PAG1: variants seen among roughly 807,000 people sequenced by gnomAD.
PAG1 encodes the protein phosphoprotein membrane anchor with glycosphingolipid microdomains 1, also known as phosphoprotein associated with glycosphingolipid-enriched microdomains 1.
PAG1 carries 23 observed loss-of-function variants against 31.7 expected under a neutral mutation model. The observed-to-expected ratio is 0.73, with a 90% CI of 0.52 to 1.03. The LOEUF (loss-of-function observed/expected upper bound fraction) is 1.03, where lower values mean the gene tolerates loss of function less well. Among genes scored for constraint, PAG1 ranks in the 50% least tolerant of loss-of-function variants. The pLI, the probability that PAG1 is intolerant of heterozygous loss-of-function variation, is 0.00. For missense variants in PAG1, 473 were observed against 540.7 expected, an observed-to-expected ratio of 0.87 and a Z score of 1.24; for synonymous variants, 214 against 210.3, an observed-to-expected ratio of 1.02 and a Z score of -0.15.
At chr8:81,109,759 G>C (rs1809745955) in intron 1 of PAG1, among the ~76,000 whole-genome samples, 1 of 150,132 alleles carries the variant, frequency 6.7e-6, no homozygotes. Context: ...ACTGTTCAGT[G>C]GGGTAGGTAC....
intron 3 of PAG1, among the ~76,000 whole-genome samples, chr8:81,007,622 G>A (rs1243968661): frequency 2.0e-5 from 2 of 99,654 alleles, no homozygotes; most frequent in Non-Finnish European, 3.6e-5. Flanking sequence ...GGGTGACAGA[G>A]CAAGACTCTG....
At chr8:81,053,960 C>T (rs1160854314) in intron 2 of PAG1, among the ~76,000 whole-genome samples, 1 of 152,186 alleles carries the variant, frequency 6.6e-6, no homozygotes, top group Non-Finnish European at 1.5e-5. Context: ...CATCTACTCA[C>T]CTCTGACACT....
At chr8:81,018,257 G>A (rs1343178941) in intron 3 of PAG1, among the ~76,000 whole-genome samples, 1 of 152,206 alleles carries the variant, frequency 6.6e-6, no homozygotes, top group Non-Finnish European at 1.5e-5. Context: ...TTGCATTTAA[G>A]TGTACAATCT....
intron 2 of PAG1, among the ~76,000 whole-genome samples, chr8:81,043,376 C>T (rs79084014): frequency 0.022 from 3,302 of 152,214 alleles, 99 homozygotes; most frequent in African/African-American, 0.074. Flanking sequence ...GAGTTCAGTA[C>T]AATACTTTAA....
Position 80,976,562 on chromosome 8 carries a change from T to C in PAG1, c.1281A>G (p.Arg427=). 1 of 1,612,664 alleles carries C rather than the reference T, an allele frequency of 6.2e-7. No individual in the cohort carries two copies. Among genetic ancestry groups the C allele is most frequent in the Non-Finnish European group, 8.5e-7 (1 of 1,179,520 alleles). Residue 427 remains arginine (R), a synonymous_variant, in exon 9 of 9, where the codon AGA becomes AGG. Transcript: ENST00000220597. The part of the protein sequence containing the change: ...YESISDLQQG[R]DITRL Reference sequence around the variant, plus strand: ...TGGGTTGCTAGAGCCTGGTAATATCTCTGCCTTGCTGCAAGTCACTTATGC... The same window carrying C: ...TGGGTTGCTAGAGCCTGGTAATATCCCTGCCTTGCTGCAAGTCACTTATGC...
intron 7 of PAG1, 101 bp downstream of exon 7, chr8:80,984,675 G>C: frequency 8.9e-7 from 1 of 1,127,740 alleles, no homozygotes; most frequent in South Asian, 1.6e-5. Flanking sequence ...TCAACAAACT[G>C]GAAAGTGTTT....
Position 80,984,779 on chromosome 8 carries a change from G to C in PAG1, c.873C>G (p.Asn291Lys), listed in dbSNP as rs1807378552. The C allele has an allele frequency of 1.2e-6, 2 of 1,612,654 alleles. No homozygotes were observed. Among genetic ancestry groups the C allele is most frequent in the Non-Finnish European group, 1.7e-6 (2 of 1,179,124 alleles). ...AAACAAAAACGCCAGTGCCCACCTT[G>C]TTAGTTTCACTGGTCGTGTCTGTGG... Reference protein sequence around the residue: ...ESATDTTSETNKRFSSLSYKS... With the variant: ...ESATDTTSETKKRFSSLSYKS... The change falls in exon 7 of 9, where the codon AAC (asparagine) becomes AAG (lysine). Residue 291 changes from asparagine to lysine, a missense_variant. By Grantham distance (94) the Asn-to-Lys change is moderately conservative. Coordinates refer to ENST00000220597, the MANE Select transcript of PAG1 (RefSeq NM_018440.4).
At chr8:81,027,307 C>A (rs1370261357) in intron 3 of PAG1, among the ~76,000 whole-genome samples, 2 of 152,088 alleles carry the variant, frequency 1.3e-5, no homozygotes, top group Non-Finnish European at 2.9e-5. Flanking sequence ...TGGCCAATTT[C>A]TATACATTTT....
In PAG1 at chr8:80,993,100, C is replaced by T. The variant is rs201408543; in HGVS notation, c.125+3G>A. 8.1e-5 allele frequency: 131 copies of T among 1,613,034 alleles called. No homozygotes were observed. In the East Asian group the frequency reaches 2.7e-3, roughly 33 times the overall value. On this transcript the variant is annotated splice_donor_region_variant and intron_variant, in intron 4 of 8. Transcript: ENST00000220597. ...GCACAGGTATATACACTCTGGTTCT[C>T]ACCTGTCACAACTAGAGCACAGGAA...
intron 8 of PAG1, 87 bp downstream of exon 8, chr8:80,980,348 A>G: frequency 1.3e-6 from 1 of 761,354 alleles, no homozygotes; most frequent in Non-Finnish European, 2.3e-6. Flanking sequence ...AGCTCTTTCA[A>G]AGGGTAACAT....
At chr8:81,099,736 C>A (rs188488247) in intron 1 of PAG1, among the ~76,000 whole-genome samples, 2 of 152,282 alleles carry the variant, frequency 1.3e-5, no homozygotes, top group East Asian at 3.9e-4. Context: ...GAGAACTGCA[C>A]ACAGGCACAA....
At chr8:81,003,022 T>A (rs949380175) in intron 3 of PAG1, among the ~76,000 whole-genome samples, 4 of 152,188 alleles carry the variant, frequency 2.6e-5, no homozygotes, top group Non-Finnish European at 5.9e-5. Context: ...ATGGTTCTTG[T>A]AGAATGGAAC....
At position 80,969,786 on chromosome 8, in the gene PAG1, C is replaced by G. The variant is rs773287688; in HGVS notation, c.*6758G>C. Reference sequence around the variant, plus strand: ...GACTTACAGCAAAGTTTTACAAAACCAAATGAAACACCCTGGCTCCTGAAG... The same window carrying G: ...GACTTACAGCAAAGTTTTACAAAACGAAATGAAACACCCTGGCTCCTGAAG... On this transcript the variant is annotated 3_prime_UTR_variant, in exon 9 of 9. Coordinates refer to ENST00000220597, the MANE Select transcript of PAG1 (RefSeq NM_018440.4). The G allele has an allele frequency of 6.6e-6, 1 of 152,144 alleles. No homozygotes were observed. Among genetic ancestry groups the G allele is most frequent in the Non-Finnish European group, 1.5e-5 (1 of 68,018 alleles). The allele number at this position is 152,144 out of a possible 1,614,324, so 9.4% of individuals were successfully genotyped here.
At chr8:81,089,011 G>T (rs1033091301) in intron 1 of PAG1, among the ~76,000 whole-genome samples, 3 of 152,168 alleles carry the variant, frequency 2.0e-5, no homozygotes, top group Non-Finnish European at 2.9e-5. Flanking sequence ...TACAAGTGGA[G>T]ATTTATCACA....
intron 1 of PAG1, 156 bp from the exon 2 acceptor site, chr8:81,070,326 T>A (rs1469943261): frequency 6.6e-6 from 1 of 152,222 alleles, no homozygotes; most frequent in Non-Finnish European, 1.5e-5. Context: ...CTTTTACTGC[T>A]TTAATACTAT....
intron 3 of PAG1, among the ~76,000 whole-genome samples, chr8:80,999,717 T>A (rs1242762683): frequency 6.6e-6 from 1 of 152,216 alleles, no homozygotes; most frequent in Non-Finnish European, 1.5e-5. Context: ...TTGTCTTCAA[T>A]AATACATTAA....
At chr8:81,103,884 A>G (rs4404873) in intron 1 of PAG1, among the ~76,000 whole-genome samples, 97,386 of 152,120 alleles carry the variant, frequency 0.64, 33,334 homozygotes, top group African/African-American at 0.88. Flanking sequence ...CACCAACAAA[A>G]TGATTCTTTC....
chr8:80,987,392 A>G lies in PAG1; in HGVS notation c.252T>C (p.Asn84=). Residue 84 remains asparagine, a synonymous_variant, in exon 6 of 9, where the codon AAT becomes AAC. Transcript: ENST00000220597. ...ATDAPASSEQ[N]GALTNGDILS... is the part of the protein sequence containing the mutation. ...TACTGTCCCCATTGGTGAGTGCCCC[A>G]TTCTGCTCACTGCTGGCAGGAGCAT... 2 of 1,612,940 alleles carry G rather than the reference A, an allele frequency of 1.2e-6. No homozygotes were observed. Among genetic ancestry groups the G allele is most frequent in the Non-Finnish European group, 1.7e-6 (2 of 1,178,880 alleles).
Position 80,985,402 on chromosome 8 carries a change from C to T in PAG1, c.275-25G>A, listed in dbSNP as rs377724855. 78 of 1,566,102 alleles carry T rather than the reference C, an allele frequency of 5.0e-5. 1 individual carries two copies. The Middle Eastern group carries it at 1.2e-3, about 24-fold the overall frequency. ...ACTAAAGCAGCACACACATTAAAAGCGGAGAAAGGCAAGTCTTTCAATAAT... is the reference window on the plus strand; with the variant it reads ...ACTAAAGCAGCACACACATTAAAAGTGGAGAAAGGCAAGTCTTTCAATAAT... On this transcript the variant is annotated intron_variant, in intron 6 of 8. Transcript: ENST00000220597.
Sources: allele counts gnomAD v4.1 joint callset (sites outside exome capture counted in the v4.1 genomes callset), GRCh38; gene constraint gnomAD v4.1.1; transcripts MANE v1.5; gene names NCBI Gene and HGNC (gene_info 2026-07-23, HGNC 2026-07-21).